Variants in MMP24 observed in about 807,000 individuals in gnomAD.
MMP24 encodes matrix metalloproteinase-24.
MMP24 carries 25 observed loss-of-function variants against 62.8 expected under a neutral mutation model. The observed-to-expected ratio is 0.40, with a 90% CI of 0.29 to 0.56. The LOEUF (loss-of-function observed/expected upper bound fraction) is 0.56, where lower values mean the gene tolerates loss of function less well. MMP24 is among the 20% of genes least tolerant of loss of function. MMP24 has a pLI of 0.50. For missense variants in MMP24, 634 were observed against 853.6 expected, an observed-to-expected ratio of 0.74 and a Z score of 3.21; for synonymous variants, 319 against 350.5, an observed-to-expected ratio of 0.91 and a Z score of 1.00.
chr20:35,255,766 G>A (rs780652275), intron 4 of MMP24, among the ~76,000 whole-genome samples: 1 of 152,140 alleles, frequency 6.6e-6, no homozygotes, highest in South Asian at 2.1e-4. Context: ...TGATACCCTC[G>A]GTCTCCTCGT....
Position 35,276,819 on chromosome 20 carries a change from A to G in MMP24, c.*2210A>G. 1 of 153,108 alleles carries G rather than the reference A, an allele frequency of 6.5e-6. No individual in the cohort carries two copies. The highest frequency in any genetic ancestry group is 6.5e-5 in the Admixed American group (1 of 15,310). The allele number at this position is 153,108 out of a possible 1,614,324, so 9.5% of individuals were successfully genotyped here. A position where few individuals can be genotyped will look rare whatever the true frequency, so the allele number is the denominator to read the frequency against. Reference sequence around the variant, plus strand: ...ATCTCAGATTCTCCTGCCTGTGGTCATCTGTTTGTCCATCACCCCAGGACA... The same window carrying G: ...ATCTCAGATTCTCCTGCCTGTGGTCGTCTGTTTGTCCATCACCCCAGGACA... On this transcript the variant is annotated 3_prime_UTR_variant, in exon 9 of 9. Coordinates refer to ENST00000246186, the MANE Select transcript of MMP24 (RefSeq NM_006690.4).
intron 1 of MMP24, among the ~76,000 whole-genome samples, chr20:35,231,645 A>G (rs995937369): frequency 3.3e-5 from 5 of 152,214 alleles, no homozygotes; most frequent in Non-Finnish European, 7.3e-5. Context: ...TGGGAACAAT[A>G]CCATGAGGTA....
At chr20:35,248,980 G>A (rs2060530400) in intron 2 of MMP24, among the ~76,000 whole-genome samples, 1 of 152,170 alleles carries the variant, frequency 6.6e-6, no homozygotes, top group African/African-American at 2.4e-5. Flanking sequence ...GGTGGATGGT[G>A]AAAGGAGGAG....
chr20:35,255,274 T>G (rs2146220757), intron 4 of MMP24, among the ~76,000 whole-genome samples: 1 of 151,624 alleles, frequency 6.6e-6, no homozygotes, highest in East Asian at 1.9e-4. Context: ...GAGGTTGCAG[T>G]GAGCCGAGAT....
chr20:35,232,842 T>G (rs1008548071), intron 1 of MMP24, among the ~76,000 whole-genome samples: 2 of 152,194 alleles, frequency 1.3e-5, no homozygotes, highest in Admixed American at 1.3e-4. Context: ...TAAAGGTTTC[T>G]GAGCAGAGGA....
intron 1 of MMP24, among the ~76,000 whole-genome samples, chr20:35,235,000 G>C (rs2060456293): frequency 6.6e-6 from 1 of 152,232 alleles, no homozygotes; most frequent in Admixed American, 6.5e-5. Context: ...GACTGGCAAT[G>C]AGGAACCAGA....
intron 1 of MMP24, among the ~76,000 whole-genome samples, chr20:35,229,670 G>A (rs943276270): frequency 2.0e-5 from 3 of 152,102 alleles, no homozygotes; most frequent in Non-Finnish European, 4.4e-5. Flanking sequence ...TAAGCCCTCT[G>A]GAGTCTGTCT....
intron 1 of MMP24, among the ~76,000 whole-genome samples, chr20:35,230,870 C>T (rs983284025): frequency 2.0e-5 from 3 of 152,144 alleles, no homozygotes; most frequent in African/African-American, 4.8e-5. Flanking sequence ...TTTTTCATTT[C>T]GTATCTATGA....
At chr20:35,251,280 G>A (rs1433935208) in intron 2 of MMP24, among the ~76,000 whole-genome samples, 21 of 149,464 alleles carry the variant, frequency 1.4e-4, no homozygotes, top group Admixed American at 1.4e-3. Context: ...CACTGCAGCT[G>A]GCTAATTTTT....
intron 1 of MMP24, among the ~76,000 whole-genome samples, chr20:35,241,385 C>A (rs1013390987): frequency 6.6e-6 from 1 of 152,156 alleles, no homozygotes. Flanking sequence ...TGCTGTCATT[C>A]GACTGCCCCC....
intron 1 of MMP24, among the ~76,000 whole-genome samples, chr20:35,227,985 A>G (rs936075504): frequency 6.6e-6 from 1 of 152,130 alleles, no homozygotes; most frequent in Non-Finnish European, 1.5e-5. Context: ...TTTCTCTAGT[A>G]TCTTCCAACC....
intron 5 of MMP24, chr20:35,264,266 C>T (rs2060619814): frequency 5.0e-6 from 1 of 198,424 alleles, no homozygotes; most frequent in Admixed American, 6.0e-5. Flanking sequence ...TGCTTCTCTC[C>T]CTCCCTCCCA....
chr20:35,230,238 C>T lies in MMP24; in HGVS notation c.246+3254C>T, dbSNP rs538190548. ...CTCGTGACCTCAAGTGATCCACCTT[C>T]CTCAGCCTCCCAAAGTGCTGGGATT... On this transcript the variant is annotated intron_variant, in intron 1 of 8. Transcript: ENST00000246186. Among the ~76,000 whole-genome samples the T allele has an allele frequency of 3.3e-5, 5 of 152,204 alleles. No homozygotes were observed. In the East Asian group the frequency reaches 7.7e-4, roughly 23 times the overall value.
chr20:35,240,017 G>A (rs980606124), intron 1 of MMP24, among the ~76,000 whole-genome samples: 65 of 152,218 alleles, frequency 4.3e-4, no homozygotes, highest in African/African-American at 1.5e-3. Flanking sequence ...CTGGGAGGGG[G>A]AAGGGCTGCC....
At chr20:35,227,116 G>C (rs1264785096) in intron 1 of MMP24, 132 bp downstream of exon 1, 30 of 772,580 alleles carry the variant, frequency 3.9e-5, no homozygotes, top group Non-Finnish European at 4.4e-5. Flanking sequence ...GGGGGTCCGC[G>C]CCTTGGGTCC....
chr20:35,228,552 C>T (rs1266191377), intron 1 of MMP24, among the ~76,000 whole-genome samples: 1 of 152,116 alleles, frequency 6.6e-6, no homozygotes, highest in Non-Finnish European at 1.5e-5. Context: ...GACCTTGGCC[C>T]CCATTGGTTT....
At chr20:35,248,306 C>CCTTTTTTTTTTTTTT (rs745624436) in intron 2 of MMP24, among the ~76,000 whole-genome samples, 1 of 136,792 alleles carries the variant, frequency 7.3e-6, no homozygotes. Flanking sequence ...TTCCCCCCCC[C>CCTTTTTTTTTTTTTT]TTTTTTTTTT....
rs374916033 is a variant in MMP24, at chr20:35,235,829, G to A, written c.246+8845G>A. The stretch of plus-strand genomic sequence containing the variant: ...GGGGACAGAAAATTAGCAGATCTGC[G>A]GGAGGGCCTTGGACAGGGTGAGGAA... On this transcript the variant is annotated intron_variant, in intron 1 of 8. Transcript: ENST00000246186. 3.4e-3 allele frequency among the ~76,000 whole-genome samples: 513 copies of A among 152,058 alleles called. 3 individuals are homozygous for A. The highest frequency in any genetic ancestry group is 0.012 in the African/African-American group (485 of 41,482).
rs1201470252 is a variant in MMP24 at position 35,229,387 on chromosome 20, C to T, written c.246+2403C>T. On this transcript the variant is annotated intron_variant, in intron 1 of 8. Coordinates refer to ENST00000246186, the MANE Select transcript of MMP24 (RefSeq NM_006690.4). ...TGGGGCCCCCTGCACTCTTAATCCC[C>T]TTTCATTCACGGAAGTGACCATTTA... Among the ~76,000 whole-genome samples the T allele has an allele frequency of 2.6e-5, 4 of 152,316 alleles. No individual in the cohort carries two copies. In the South Asian group the frequency reaches 8.3e-4, roughly 32 times the overall value.
Sources: gnomAD v4.1 joint callset for allele counts (sites outside exome capture counted in the v4.1 genomes callset) on GRCh38, gnomAD v4.1.1 for gene constraint, MANE v1.5 for transcripts, NCBI Gene and HGNC (gene_info 2026-07-23, HGNC 2026-07-21) for gene names.